Variants in BMAL2 observed in about 807,000 individuals in gnomAD.
The protein encoded by BMAL2 is basic helix-loop-helix ARNT like 2.
chr12:27,393,661 G>A, the BMAL2 span, among the ~76,000 whole-genome samples: 1 of 152,150 alleles, frequency 6.6e-6, no homozygotes, highest in Admixed American at 6.5e-5. Flanking sequence ...AAAATGATTG[G>A]GATAAACCTG....
At chr12:27,370,139 A>C in the BMAL2 span, 1 of 1,613,776 alleles carries the variant, frequency 6.2e-7, no homozygotes. Context: ...GTCAGGAATC[A>C]TGACAGAAAA....
the BMAL2 span, among the ~76,000 whole-genome samples, chr12:27,341,730 C>T: frequency 6.6e-6 from 1 of 152,170 alleles, no homozygotes; most frequent in South Asian, 2.1e-4. Context: ...ACCTGGAGCA[C>T]TTACAGACTT....
the BMAL2 span, among the ~76,000 whole-genome samples, chr12:27,384,429 A>G: frequency 1.3e-5 from 2 of 152,224 alleles, no homozygotes; most frequent in East Asian, 1.9e-4. Context: ...CTATATTGCC[A>G]TTAAAGGATT....
At chr12:27,404,184 CAAAA>C in the BMAL2 span, among the ~76,000 whole-genome samples, 1 of 78,312 alleles carries the variant, frequency 1.3e-5, no homozygotes, top group African/African-American at 4.6e-5. Context: ...GACCCTGTCT[CAAAA>C]AAAAAAAAAA....
At chr12:27,358,862 T>C in the BMAL2 span, among the ~76,000 whole-genome samples, 2 of 152,044 alleles carry the variant, frequency 1.3e-5, no homozygotes, top group African/African-American at 4.8e-5. Context: ...TAATAAAATA[T>C]TTTTTATCTC....
the BMAL2 span, chr12:27,421,932 TA>T: frequency 6.6e-6 from 1 of 152,212 alleles, no homozygotes; most frequent in African/African-American, 2.4e-5. Flanking sequence ...ATTAGGCAAT[TA>T]CAGTTATTGC....
chr12:27,360,803 C>CAAAAAAAAAAAAAAAAAAAAAAAAAAAAA, the BMAL2 span, among the ~76,000 whole-genome samples: 15 of 46,788 alleles, frequency 3.2e-4, 3 homozygotes, highest in East Asian at 7.7e-4. Flanking sequence ...GTGATTTGTC[C>CAAAAAAAAAAAAAAAAAAAAAAAAAAAAA]AAAAAAAAAA....
the BMAL2 span, among the ~76,000 whole-genome samples, chr12:27,369,852 A>AT: frequency 2.0e-5 from 3 of 152,148 alleles, no homozygotes; most frequent in African/African-American, 7.2e-5. Context: ...ACAGTATGGC[A>AT]TTTTTTTGTC....
chr12:27,385,396 C>A, the BMAL2 span: 2 of 722,920 alleles, frequency 2.8e-6, no homozygotes, highest in Non-Finnish European at 4.7e-6. Flanking sequence ...GAGCAAATAC[C>A]AGCAGCAGCA....
chr12:27,395,620 A>C, the BMAL2 span, among the ~76,000 whole-genome samples: 1 of 152,166 alleles, frequency 6.6e-6, no homozygotes. Flanking sequence ...TAGTCCTTCC[A>C]TGGGGTTCCT....
At chr12:27,383,336 T>C in the BMAL2 span, among the ~76,000 whole-genome samples, 24 of 148,566 alleles carry the variant, frequency 1.6e-4, no homozygotes, top group Non-Finnish European at 3.4e-4. Context: ...GAGGAATTGT[T>C]ACTGTCATTT....
At chr12:27,409,517 G>C in the BMAL2 span, among the ~76,000 whole-genome samples, 1 of 152,180 alleles carries the variant, frequency 6.6e-6, no homozygotes, top group African/African-American at 2.4e-5. Flanking sequence ...TTCAATAAAT[G>C]GTGCTGGGAA....
At chr12:27,383,394 T>G in the BMAL2 span, among the ~76,000 whole-genome samples, 2 of 152,130 alleles carry the variant, frequency 1.3e-5, no homozygotes, top group African/African-American at 4.8e-5. Flanking sequence ...TAAGTGATCA[T>G]GTTGCCTCGT....
chr12:27,371,136 T>A, the BMAL2 span, among the ~76,000 whole-genome samples: 4 of 152,306 alleles, frequency 2.6e-5, no homozygotes, highest in South Asian at 8.3e-4. Flanking sequence ...TTAAATAAGA[T>A]TTAAATGCTT....
chr12:27,378,566 C>T, the BMAL2 span, among the ~76,000 whole-genome samples: 5 of 152,080 alleles, frequency 3.3e-5, no homozygotes, highest in African/African-American at 4.8e-5. Flanking sequence ...TTGGAGCTGT[C>T]GGGGAAAGTC....
At chr12:27,415,807 A>G in the BMAL2 span, 1 of 1,115,168 alleles carries the variant, frequency 9.0e-7, no homozygotes, top group Non-Finnish European at 1.3e-6. Context: ...ATGTATTTAG[A>G]GGAGAAAATT....
At chr12:27,424,136 T>A in the BMAL2 span, 42 of 152,204 alleles carry the variant, frequency 2.8e-4, no homozygotes, top group Non-Finnish European at 1.2e-4. Context: ...GAAAATAAAA[T>A]TATACATGTG....
At chr12:27,333,059 A>G in the BMAL2 span, 24 of 1,201,074 alleles carry the variant, frequency 2.0e-5, no homozygotes, top group Non-Finnish European at 2.5e-5. Context: ...GGAGCCGACC[A>G]AGTGGCTCCT....
At chr12:27,403,427 A>C in the BMAL2 span, 1 of 1,534,634 alleles carries the variant, frequency 6.5e-7, no homozygotes. Context: ...TTTTGCTGTT[A>C]CTTAGAATCC....
Sources: gnomAD v4.1 joint callset for allele counts (sites outside exome capture counted in the v4.1 genomes callset) on GRCh38, gnomAD v4.1.1 for gene constraint, MANE v1.5 for transcripts, NCBI Gene and HGNC (gene_info 2026-07-23, HGNC 2026-07-21) for gene names.